Variants in FAM204A observed in about 807,000 individuals in gnomAD.
FAM204A encodes family with sequence similarity 204 member A, also known as protein FAM204A.
FAM204A carries 16 observed loss-of-function variants against 35.4 expected under a neutral mutation model. That is an observed-to-expected ratio of 0.45 (90% CI 0.31 to 0.69). The LOEUF (loss-of-function observed/expected upper bound fraction) is 0.69, where lower values mean the gene tolerates loss of function less well. Ranked by LOEUF, FAM204A falls within the 30% of genes least tolerant of loss-of-function variation. The pLI is 0.07. For missense variants in FAM204A, 240 were observed against 265.7 expected (o/e 0.90, Z 0.67); for synonymous variants, 76 against 86.9 (o/e 0.88, Z 0.70).
At chr10:118,337,278 AC>A (rs1310283171) in intron 2 of FAM204A, 1 of 981,660 alleles carries the variant, frequency 1.0e-6, no homozygotes, top group African/African-American at 1.7e-5. Context: ...TTGAGCCAAA[AC>A]CAGTTCCTTC....
chr10:118,334,858 C>T (rs1166879522), intron 6 of FAM204A, among the ~76,000 whole-genome samples: 2 of 152,232 alleles, frequency 1.3e-5, no homozygotes, highest in African/African-American at 2.4e-5. Flanking sequence ...AGTGACGTGG[C>T]ACCTTCTATG....
intron 7 of FAM204A, among the ~76,000 whole-genome samples, chr10:118,318,090 A>C (rs1846058724): frequency 6.6e-6 from 1 of 152,028 alleles, no homozygotes; most frequent in Non-Finnish European, 1.5e-5. Context: ...ATACACCAAA[A>C]AGAAAATGGT....
At chr10:118,332,320 T>G (rs1846304744) in intron 6 of FAM204A, among the ~76,000 whole-genome samples, 1 of 151,970 alleles carries the variant, frequency 6.6e-6, no homozygotes, top group African/African-American at 2.4e-5. Context: ...TGAGCTTCAG[T>G]TTCTTTATCT....
chr10:118,322,905 G>A (rs1346841631), intron 7 of FAM204A, among the ~76,000 whole-genome samples: 4 of 152,106 alleles, frequency 2.6e-5, no homozygotes, highest in Admixed American at 2.6e-4. Context: ...ATGCTTCTCT[G>A]TGAATTCCCC....
At position 118,308,751 on chromosome 10, in the gene FAM204A, G is replaced by A. The variant is rs188440794; in HGVS notation, c.*2106C>T. ...GGGGCAACTGCGGGCACTGGAGCAG[G>A]CTGAAGAAGGGCTTCCTTGGCTGGA... On this transcript the variant is annotated 3_prime_UTR_variant, in exon 9 of 9. Coordinates refer to ENST00000369183, the MANE Select transcript of FAM204A (RefSeq NM_022063.3). 1.0e-3 allele frequency: 160 copies of A among 155,048 alleles called. No individual in the cohort carries two copies. The highest frequency in any genetic ancestry group is 1.7e-3 in the Admixed American group (27 of 15,616). 9.6% of individuals were successfully genotyped at this position (155,048 alleles called of 1,614,324 possible). A position where few individuals can be genotyped will look rare whatever the true frequency, so the allele number is the denominator to read the frequency against.
intron 7 of FAM204A, among the ~76,000 whole-genome samples, chr10:118,315,913 C>T (rs867629017): frequency 6.6e-6 from 1 of 152,112 alleles, no homozygotes; most frequent in Non-Finnish European, 1.5e-5. Flanking sequence ...CTACACAGAA[C>T]GGGTGACAGC....
chr10:118,298,408 GAATA>G lies in FAM204A; in HGVS notation c.*12445_*12448del, dbSNP rs1007936223. 26 of 152,320 alleles carry G rather than the reference GAATA, an allele frequency of 1.7e-4. No individual in the cohort carries two copies. Among genetic ancestry groups the G allele is most frequent in the African/African-American group, 6.3e-4 (26 of 41,572 alleles). The allele number at this position is 152,320 out of a possible 1,614,324, so 9.4% of individuals were successfully genotyped here. ...TAAAATCCGAATGCGATGTGTATCT[GAATA>G]AAGACGCTTATTCTCTCCTACCAGT... On this transcript the variant is annotated 3_prime_UTR_variant, in exon 9 of 9. Transcript: ENST00000369183.
intron 2 of FAM204A, chr10:118,337,083 T>C (rs1846400781): frequency 4.6e-6 from 1 of 215,318 alleles, no homozygotes; most frequent in African/African-American, 2.4e-5. Flanking sequence ...ATACTATATT[T>C]GGGAAACTAA....
intron 7 of FAM204A, among the ~76,000 whole-genome samples, chr10:118,319,092 G>C (rs1323378628): frequency 6.6e-6 from 1 of 151,944 alleles, no homozygotes; most frequent in Non-Finnish European, 1.5e-5. Context: ...GAAAAGTCCT[G>C]AATACTAGAG....
Position 118,335,392 on chromosome 10 carries a change from C to G in FAM204A, c.353+4G>C, listed in dbSNP as rs576918577. The G allele has an allele frequency of 6.3e-7, 1 of 1,590,578 alleles. No homozygotes were observed. The highest frequency in any genetic ancestry group is 8.6e-7 in the Non-Finnish European group (1 of 1,167,856). On this transcript the variant is annotated splice_donor_region_variant and intron_variant, in intron 5 of 8. Transcript: ENST00000369183. ...AATAGATAACTATTTTAAATTCTACCTACCTATGTAATTCTTTTTCATTCT... is the reference window on the plus strand; with the variant it reads ...AATAGATAACTATTTTAAATTCTACGTACCTATGTAATTCTTTTTCATTCT...
intron 2 of FAM204A, chr10:118,337,151 C>A (rs1385567623): frequency 1.4e-6 from 1 of 713,026 alleles, no homozygotes; most frequent in African/African-American, 1.9e-5. Context: ...TAGAGAGAAC[C>A]ATTAAGTTTA....
At chr10:118,310,967 A>C in intron 8 of FAM204A, 59 bp from the exon 9 acceptor site, 1 of 1,485,948 alleles carries the variant, frequency 6.7e-7, no homozygotes, top group Admixed American at 2.2e-5. Context: ...TACTTTGCTG[A>C]ACATGTTTAC....
intron 7 of FAM204A, among the ~76,000 whole-genome samples, chr10:118,312,900 G>A (rs925030163): frequency 2.6e-5 from 4 of 152,222 alleles, no homozygotes; most frequent in Non-Finnish European, 4.4e-5. Context: ...AAACTGTGGG[G>A]CTGGGGAGGA....
intron 7 of FAM204A, among the ~76,000 whole-genome samples, chr10:118,316,745 ATG>A (rs1236801474): frequency 3.3e-5 from 5 of 152,112 alleles, no homozygotes; most frequent in South Asian, 2.1e-4. Flanking sequence ...TCATTCATAT[ATG>A]TGTGTATATG....
Position 118,305,227 on chromosome 10 carries a change from C to T in FAM204A, c.*5630G>A, listed in dbSNP as rs1268048841. On this transcript the variant is annotated 3_prime_UTR_variant, in exon 9 of 9. Transcript: ENST00000369183. ...CTTTGTCTCATGAACAAGAAATAAG[C>T]TTGTATTGTGCTTGAGTCATTATAT... is the stretch of plus-strand genomic sequence containing the variant. 1 of 152,164 alleles carries T rather than the reference C, an allele frequency of 6.6e-6. No individual in the cohort carries two copies. The highest frequency in any genetic ancestry group is 1.5e-5 in the Non-Finnish European group (1 of 68,046). 9.4% of individuals were successfully genotyped at this position (152,164 alleles called of 1,614,324 possible). A position where few individuals can be genotyped will look rare whatever the true frequency, so the allele number is the denominator to read the frequency against.
At chr10:118,322,276 A>T (rs762867695) in intron 7 of FAM204A, 2 of 453,422 alleles carry the variant, frequency 4.4e-6, no homozygotes, top group Non-Finnish European at 8.9e-6. Context: ...AAACAATAAC[A>T]TCACAGTGGA....
At chr10:118,312,997 T>G (rs1343789681) in intron 7 of FAM204A, among the ~76,000 whole-genome samples, 1 of 152,128 alleles carries the variant, frequency 6.6e-6, no homozygotes, top group African/African-American at 2.4e-5. Flanking sequence ...TGTAGAAAAG[T>G]TCACGTAAGT....
At chr10:118,320,709 A>G (rs1846100258) in intron 7 of FAM204A, among the ~76,000 whole-genome samples, 1 of 151,980 alleles carries the variant, frequency 6.6e-6, no homozygotes, top group Non-Finnish European at 1.5e-5. Context: ...TGACAAAACC[A>G]AAGACGACAG....
chr10:118,334,770 A>C (rs1286763017), intron 6 of FAM204A, among the ~76,000 whole-genome samples: 1 of 151,572 alleles, frequency 6.6e-6, no homozygotes, highest in East Asian at 1.9e-4. Context: ...TCCCAGGACG[A>C]CTCTTCCCTA....
Sources: allele counts gnomAD v4.1 joint callset (sites outside exome capture counted in the v4.1 genomes callset), GRCh38; gene constraint gnomAD v4.1.1; transcripts MANE v1.5; gene names NCBI Gene and HGNC (gene_info 2026-07-23, HGNC 2026-07-21).